Variants in NEB observed in about 807,000 individuals in gnomAD.
The protein encoded by NEB is nemaline myopathy type 2.
A neutral mutation model predicts 952.2 loss-of-function variants in NEB; 512 were observed. The ratio of observed to expected loss-of-function variants is 0.54; its 90% CI spans 0.50 to 0.58. The LOEUF (loss-of-function observed/expected upper bound fraction) is 0.58. Ranked by LOEUF, NEB falls within the 20% of genes least tolerant of loss-of-function variation. The pLI, the probability that NEB is intolerant of heterozygous loss-of-function variation, is 0.00. For missense variants in NEB, 8,428 were observed against 9,231.1 expected, an observed-to-expected ratio of 0.91 and a Z score of 3.56; for synonymous variants, 2,900 against 3,149.8, an observed-to-expected ratio of 0.92 and a Z score of 2.66.
At chr2:151,574,119 C>A (rs1441417605) in intron 107 of NEB, among the ~76,000 whole-genome samples, 1 of 152,132 alleles carries the variant, frequency 6.6e-6, no homozygotes, top group Non-Finnish European at 1.5e-5. Flanking sequence ...GGACTACAGG[C>A]ACCCACCACC....
Position 151,519,003 on chromosome 2 carries a change from T to C in NEB, c.22657A>G (p.Met7553Val). The C allele has an allele frequency of 6.2e-7, 1 of 1,613,720 alleles. No homozygotes were observed. Among genetic ancestry groups the C allele is most frequent in the Non-Finnish European group, 8.5e-7 (1 of 1,179,698 alleles). ...TGGCTTGTATTCAGGACATGATTCA[T>C]GATCAGAGACTCCTTCATGTCAGTC... ...PVTDMKESLI[M>V]NHVLNTSQLA... Residue 7553 changes from methionine (M) to valine (V), a missense_variant, in exon 155 of 182, where the codon ATG (methionine) becomes GTG (valine). Transcript: ENST00000397345.
intron 166 of NEB, 142 bp downstream of exon 166, chr2:151,503,205 CAT>C: frequency 4.7e-6 from 3 of 632,602 alleles, no homozygotes; most frequent in South Asian, 2.0e-5. Flanking sequence ...TTTGTATTAA[CAT>C]AATTTTGGTC....
At chr2:151,546,309 G>C (rs768142910) in intron 134 of NEB, 36 bp downstream of exon 134, 2 of 1,515,194 alleles carry the variant, frequency 1.3e-6, no homozygotes, top group Non-Finnish European at 1.8e-6. Flanking sequence ...CCAGCTGTGC[G>C]GGGGGTAATT....
At position 151,496,363 on chromosome 2, in the gene NEB, T is replaced by TAAC. The variant is rs762133567; in HGVS notation, c.24396_24398dup (p.Leu8133dup). 2.5e-6 allele frequency: 4 copies of TAAC among 1,608,138 alleles called. No homozygotes were observed. The highest frequency in any genetic ancestry group is 1.3e-5 in the African/African-American group (1 of 74,848). The stretch of plus-strand genomic sequence containing the variant: ...TTCCCTTGCCCATGTTTTCTTTGTA[T>TAAC]AACACCTGTGCGATGAGAAAGCATC... On this transcript the variant is annotated inframe_insertion, in exon 173 of 182. Transcript: ENST00000397345.
rs775755028 is a variant in NEB, at chr2:151,662,185, C to A, written c.5920G>T (p.Asp1974Tyr). The change falls in exon 46 of 182, where the codon GAC (aspartate) becomes TAC (tyrosine). Residue 1974 changes from aspartate to tyrosine, a missense_variant. Asp to Tyr is a radical substitution (Grantham distance 160). This residue lies in a region of NEB where 2,851 missense variants were observed against 2,791.5 expected (regional missense o/e 1.02). Transcript: ENST00000397345. ...PDTLKYSTLM[D>Y]SMNMVLAQNN... ...TGGGCCAAAACCATGTTCATCGAGT[C>A]CATGAGTGTGGAATACTTCAAAGTG... 6.2e-7 allele frequency: 1 copy of A among 1,613,398 alleles called. No individual in the cohort carries two copies. Among genetic ancestry groups the A allele is most frequent in the Admixed American group, 1.7e-5 (1 of 59,942 alleles).
At chr2:151,512,331 G>C (rs1228629389) in intron 161 of NEB, among the ~76,000 whole-genome samples, 1 of 151,802 alleles carries the variant, frequency 6.6e-6, no homozygotes, top group East Asian at 1.9e-4. Context: ...ACCATGCCGG[G>C]CTTCTCTCTT....
rs1460015022 is a variant in NEB, at chr2:151,605,993, T to G, written c.12747+613A>C. The stretch of plus-strand genomic sequence containing the variant: ...AAGTTTTTGTTTGTTTGTTTGTTTG[T>G]ATTTTTAGTAGAGATGAGGTTTTAC... On this transcript the variant is annotated intron_variant, in intron 84 of 181. Transcript: ENST00000397345. Among the ~76,000 whole-genome samples, 2 of 100,100 alleles carry G rather than the reference T, an allele frequency of 2.0e-5. 1 individual carries two copies. Among genetic ancestry groups the G allele is most frequent in the Admixed American group, 2.8e-4 (2 of 7,088 alleles). The allele number at this position is 100,100 out of a possible 152,430, so 65.7% of individuals were successfully genotyped here. A position where few individuals can be genotyped will look rare whatever the true frequency, so the allele number is the denominator to read the frequency against.
At chr2:151,510,196 A>G (rs533701247) in intron 161 of NEB, among the ~76,000 whole-genome samples, 105 of 151,908 alleles carry the variant, frequency 6.9e-4, no homozygotes, top group Admixed American at 3.7e-3. Context: ...AGGTTTGAGG[A>G]GTTTCTTCAG....
chr2:151,512,835 A>G lies in NEB; in HGVS notation c.23244T>C (p.Ile7748=), dbSNP rs1434802631. ...ARNATDIASQ[I]KYKQSAEMEK... is the part of the protein sequence containing the mutation. ...CCATTTCTGCTGATTGCTTATACTT[A>G]ATCTGTAAAACAACACCGAATAGTT... Residue 7748 remains isoleucine, a splice_region_variant and synonymous_variant, in exon 161 of 182, where the codon ATT becomes ATC. Transcript: ENST00000397345. 1 of 1,604,036 alleles carries G rather than the reference A, an allele frequency of 6.2e-7. No homozygotes were observed. Among genetic ancestry groups the G allele is most frequent in the Non-Finnish European group, 8.5e-7 (1 of 1,171,728 alleles).
rs781507806 is a variant in NEB, at chr2:151,650,367, A to G, written c.7240T>C (p.Ser2414Pro). 3 of 1,613,676 alleles carry G rather than the reference A, an allele frequency of 1.9e-6. No individual in the cohort carries two copies. Among genetic ancestry groups the G allele is most frequent in the Non-Finnish European group, 2.5e-6 (3 of 1,179,704 alleles). ...ATGCCTCTCAGCCACTCAAGGTCAG[A>G]TTTATATAGATTCTGTGAAAAGACA... The part of the protein sequence containing the change: ...YELQSENLYK[S>P]DLEWLRGIGW... The change falls in exon 54 of 182, where the codon TCT (serine) becomes CCT (proline). Residue 2414 changes from serine (S) to proline (P), a missense_variant. Ser to Pro is a moderately conservative substitution (Grantham distance 74). Around this residue, in one of 11 missense-constraint regions of NEB, gnomAD observed 1,772 missense variants for 1,960.3 expected, o/e 0.90. Transcript: ENST00000397345.
rs774282909 is a variant in NEB, at chr2:151,650,291, G to A, written c.7316C>T (p.Ser2439Leu). ...ATATTTCTTCTCACTGATGATTTCCGAAGCCCGCTTGTTCTTTTCTGCCTC... is the reference window on the plus strand; with the variant it reads ...ATATTTCTTCTCACTGATGATTTCCAAAGCCCGCTTGTTCTTTTCTGCCTC... ...SLEAEKNKRA[S>L]EIISEKKYRQ... The change falls in exon 54 of 182, where the codon TCG (serine) becomes TTG (leucine). Residue 2439 changes from serine (S) to leucine (L), a missense_variant. Ser to Leu is a moderately radical substitution (Grantham distance 145). Transcript: ENST00000397345. The A allele has an allele frequency of 1.4e-5, 23 of 1,613,630 alleles. No homozygotes were observed. The highest frequency in any genetic ancestry group is 1.7e-5 in the Non-Finnish European group (20 of 1,179,850).
chr2:151,617,500 A>G, intron 74 of NEB, 32 bp from the exon 75 acceptor site: 1 of 1,354,720 alleles, frequency 7.4e-7, no homozygotes, highest in Non-Finnish European at 1.0e-6. Context: ...AGAGAGAGAG[A>G]GAGAAAAATT....
At chr2:151,518,049 TACCATGAGGG>T (rs1414638992) in intron 156 of NEB, among the ~76,000 whole-genome samples, 1 of 152,140 alleles carries the variant, frequency 6.6e-6, no homozygotes, top group Non-Finnish European at 1.5e-5. Flanking sequence ...ACATTGGAGT[TACCATGAGGG>T]GTTTGTCCCC....
intron 154 of NEB, among the ~76,000 whole-genome samples, chr2:151,519,384 G>A (rs2080381667): frequency 6.6e-6 from 1 of 152,186 alleles, no homozygotes; most frequent in Non-Finnish European, 1.5e-5. Flanking sequence ...CCAAAGGACA[G>A]ATACTGTTTG....
Position 151,491,327 on chromosome 2 carries a change from A to G in NEB, c.25150+356T>C, listed in dbSNP as rs115164333. ...GTAATGAATAAACTTCCTTGATGCA[A>G]TAGAGCTCAGGAAGTTCCTACAGGT... On this transcript the variant is annotated intron_variant, in intron 179 of 181. Coordinates refer to ENST00000397345, the MANE Select transcript of NEB (RefSeq NM_001164508.2). 544 of 193,480 alleles carry G rather than the reference A, an allele frequency of 2.8e-3. 4 individuals carry two copies. Among genetic ancestry groups the G allele is most frequent in the African/African-American group, 0.012 (496 of 42,486 alleles). The allele number at this position is 193,480 out of a possible 1,614,324, so 12.0% of individuals were successfully genotyped here.
intron 46 of NEB, among the ~76,000 whole-genome samples, chr2:151,661,787 G>A (rs933991802): frequency 6.6e-6 from 1 of 152,138 alleles, no homozygotes; most frequent in Non-Finnish European, 1.5e-5. Context: ...TTGGGAGGTG[G>A]TTTCCAACAC....
intron 18 of NEB, 112 bp from the exon 19 acceptor site, chr2:151,694,741 T>G: frequency 3.9e-6 from 3 of 773,716 alleles, no homozygotes; most frequent in African/African-American, 1.7e-5. Context: ...AATGGGCCCT[T>G]TTTATTGTCT....
chr2:151,488,666 T>C (rs762518937), intron 181 of NEB, among the ~76,000 whole-genome samples: 8 of 151,928 alleles, frequency 5.3e-5, no homozygotes, highest in Non-Finnish European at 1.2e-4. Flanking sequence ...AAAAAAGTAT[T>C]CTGTATTATT....
At position 151,609,203 on chromosome 2, in the gene NEB, G is replaced by GGA. The variant is rs1472098862; in HGVS notation, c.12331-528_12331-527insTC. On this transcript the variant is annotated intron_variant, in intron 81 of 181. Coordinates refer to ENST00000397345, the MANE Select transcript of NEB (RefSeq NM_001164508.2). ...AGTGAAACTCCATTTCAAAATAAAA[G>GGA]AAAAAAAAAAGGAAAAACATTTCAA... Among the ~76,000 whole-genome samples, 6 of 84,064 alleles carry GGA rather than the reference G, an allele frequency of 7.1e-5. No homozygotes were observed. The East Asian group carries it at 1.6e-3, about 22-fold the overall frequency. The allele number at this position is 84,064 out of a possible 152,430, so 55.1% of individuals were successfully genotyped here.
Sources: gnomAD v4.1 joint callset for allele counts (sites outside exome capture counted in the v4.1 genomes callset) on GRCh38, gnomAD v4.1.1 for gene constraint, gnomAD v4.1.1 regional missense constraint, MANE v1.5 for transcripts, NCBI Gene and HGNC (gene_info 2026-07-23, HGNC 2026-07-21) for gene names.